WTIP: variants seen among roughly 807,000 people sequenced by gnomAD.
WTIP encodes the protein WT1 interacting protein.
A neutral mutation model predicts 41.7 loss-of-function variants in WTIP; 23 were observed. That is an observed-to-expected ratio of 0.55 (90% CI 0.40 to 0.78). The LOEUF is 0.78. Ranked by LOEUF, WTIP falls within the 30% of genes least tolerant of loss-of-function variation. WTIP has a pLI of 0.00. For missense variants in WTIP, 619 were observed against 610.5 expected (o/e 1.01, Z -0.15); for synonymous variants, 314 against 269.9 (o/e 1.16, Z -1.60).
At chr19:34,486,216 C>T (rs1363365921) in intron 1 of WTIP, among the ~76,000 whole-genome samples, 2 of 152,084 alleles carry the variant, frequency 1.3e-5, no homozygotes, top group African/African-American at 4.8e-5. Flanking sequence ...CCCAGCAGAA[C>T]CCCGACTCTG....
chr19:34,498,223 C>T (rs745958823), intron 7 of WTIP, among the ~76,000 whole-genome samples: 7 of 152,102 alleles, frequency 4.6e-5, no homozygotes, highest in African/African-American at 4.8e-5. Flanking sequence ...GAGCCCGCAA[C>T]GGTAAAAACT....
rs2075929479 is a variant in WTIP at position 34,510,594 on chromosome 19, T to A, written c.*10325T>A. On this transcript the variant is annotated 3_prime_UTR_variant, in exon 8 of 8. Coordinates refer to ENST00000590071, the MANE Select transcript of WTIP (RefSeq NM_001080436.2). ...CCTCCTTGTTACTTATGCAAATTTC[T>A]GCAGCCAGCTTGAATTTCTTCTAAA... is the stretch of plus-strand genomic sequence containing the variant. 6.6e-6 allele frequency: 1 copy of A among 152,252 alleles called. No individual in the cohort carries two copies. The highest frequency in any genetic ancestry group is 1.9e-4 in the East Asian group (1 of 5,206). The allele number at this position is 152,252 out of a possible 1,614,324, so 9.4% of individuals were successfully genotyped here.
intron 7 of WTIP, among the ~76,000 whole-genome samples, chr19:34,498,245 T>C (rs1341907460): frequency 6.6e-6 from 1 of 151,988 alleles, no homozygotes; most frequent in Non-Finnish European, 1.5e-5. Context: ...CGAGATAGGG[T>C]ACTTGAAGCC....
chr19:34,493,753 C>A lies in WTIP; in HGVS notation c.1031+131C>A. Reference sequence around the variant, plus strand: ...TTGCCTTCCGCCTCCCCTTGTACACCTGGGCTTGGGGCAGGCATGTGTCTC... The same window carrying A: ...TTGCCTTCCGCCTCCCCTTGTACACATGGGCTTGGGGCAGGCATGTGTCTC... On this transcript the variant is annotated intron_variant, in intron 5 of 7. Transcript: ENST00000590071. The surrounding 1 kb of genome is among the most constrained non-coding windows in gnomAD (Gnocchi z 4.1). The A allele has an allele frequency of 1.5e-6, 2 of 1,306,626 alleles. No individual in the cohort carries two copies. Among genetic ancestry groups the A allele is most frequent in the Non-Finnish European group, 2.1e-6 (2 of 937,460 alleles). 80.9% of individuals were successfully genotyped at this position (1,306,626 alleles called of 1,614,324 possible). A position where few individuals can be genotyped will look rare whatever the true frequency, so the allele number is the denominator to read the frequency against.
At position 34,508,179 on chromosome 19, in the gene WTIP, C is replaced by T. The variant is rs2075920343; in HGVS notation, c.*7910C>T. Reference sequence around the variant, plus strand: ...GCCTCGGCCTCCCGGGTTCAAGTGACTCTCCGGCCTCAGCCTCCCAAGTAG... The same window carrying T: ...GCCTCGGCCTCCCGGGTTCAAGTGATTCTCCGGCCTCAGCCTCCCAAGTAG... On this transcript the variant is annotated 3_prime_UTR_variant, in exon 8 of 8. Coordinates refer to ENST00000590071, the MANE Select transcript of WTIP (RefSeq NM_001080436.2). 6.6e-6 allele frequency: 1 copy of T among 152,098 alleles called. No homozygotes were observed. Among genetic ancestry groups the T allele is most frequent in the African/African-American group, 2.4e-5 (1 of 41,410 alleles). 9.4% of individuals were successfully genotyped at this position (152,098 alleles called of 1,614,324 possible).
chr19:34,486,613 A>G (rs1202979276), intron 1 of WTIP, among the ~76,000 whole-genome samples: 7 of 151,776 alleles, frequency 4.6e-5, no homozygotes, highest in East Asian at 1.9e-4. Context: ...TGATCTGCCC[A>G]CCTTGGCCTC....
At position 34,492,665 on chromosome 19, in the gene WTIP, G is replaced by C. The variant is rs539514467; in HGVS notation, c.770-372G>C. On this transcript the variant is annotated intron_variant, in intron 2 of 7. Coordinates refer to ENST00000590071, the MANE Select transcript of WTIP (RefSeq NM_001080436.2). ...GATCACGCCACTGCACTCCAGCCTG[G>C]GCGACACAGTGATACTCTGTATCAA... 2.1e-4 allele frequency among the ~76,000 whole-genome samples: 31 copies of C among 145,400 alleles called. 1 individual carries two copies. The highest frequency in any genetic ancestry group is 7.8e-4 in the African/African-American group (31 of 39,748).
At chr19:34,482,722 A>G in intron 1 of WTIP, 81 bp downstream of exon 1, 1 of 1,206,782 alleles carries the variant, frequency 8.3e-7, no homozygotes. Flanking sequence ...AGGCGGCCGG[A>G]TCAGCGGAGG....
chr19:34,495,062 T>A (rs1406756679), intron 6 of WTIP, among the ~76,000 whole-genome samples: 1 of 152,156 alleles, frequency 6.6e-6, no homozygotes, highest in Non-Finnish European at 1.5e-5. Context: ...CTGGTGTGCC[T>A]GGCAAAGCAG....
chr19:34,482,604 G>C lies in WTIP; in HGVS notation c.630G>C (p.Glu210Asp), dbSNP rs2075774595. Residue 210 changes from glutamate to aspartate, a missense_variant, in exon 1 of 8, where the codon GAG becomes GAC. Physicochemically the swap from Glu to Asp is conservative, Grantham distance 45 (BLOSUM62 2). Coordinates refer to ENST00000590071, the MANE Select transcript of WTIP (RefSeq NM_001080436.2). The part of the protein sequence containing the change: ...RRLEALTREL[E>D]RALEARTARD... ...TGGAGGCGCTCACCCGGGAGCTGGAGCGGGCGCTCGAGGCGCGCACGGCGC... is the reference window on the plus strand; with the variant it reads ...TGGAGGCGCTCACCCGGGAGCTGGACCGGGCGCTCGAGGCGCGCACGGCGC... 1.6e-6 allele frequency: 2 copies of C among 1,229,930 alleles called. No individual in the cohort carries two copies. The highest frequency in any genetic ancestry group is 3.1e-5 in the African/African-American group (2 of 64,176). 76.2% of individuals were successfully genotyped at this position (1,229,930 alleles called of 1,614,324 possible).
chr19:34,482,534 T>G lies in WTIP; in HGVS notation c.560T>G (p.Leu187Arg). The change falls in exon 1 of 8, where the codon CTG (leucine) becomes CGG (arginine). Residue 187 changes from leucine (L) to arginine (R), a missense_variant. Around this residue, in one of 3 missense-constraint regions of WTIP, gnomAD observed 363 missense variants for 309.0 expected, o/e 1.17. Coordinates refer to ENST00000590071, the MANE Select transcript of WTIP (RefSeq NM_001080436.2). ...PAPFPLPALP[L>R]PPGREGGPSA... The stretch of plus-strand genomic sequence containing the variant: ...CCCTTCCCGCTGCCTGCACTCCCGC[T>G]GCCCCCTGGCCGGGAGGGCGGCCCA... The G allele has an allele frequency of 2.4e-6, 3 of 1,229,594 alleles. No homozygotes were observed. Among genetic ancestry groups the G allele is most frequent in the Non-Finnish European group, 3.0e-6 (3 of 987,728 alleles). The allele number at this position is 1,229,594 out of a possible 1,614,324, so 76.2% of individuals were successfully genotyped here.
At chr19:34,490,523 ACAT>A in intron 2 of WTIP, 46 bp downstream of exon 2, 1 of 1,566,450 alleles carries the variant, frequency 6.4e-7, no homozygotes, top group Non-Finnish European at 8.8e-7. Context: ...GGGACCTGCC[ACAT>A]CATCCCCATT....
At chr19:34,494,871 A>G (rs1418200408) in intron 6 of WTIP, among the ~76,000 whole-genome samples, 2 of 152,230 alleles carry the variant, frequency 1.3e-5, no homozygotes, top group African/African-American at 2.4e-5. Flanking sequence ...CCCCACTGCC[A>G]GCCTCTGCTC....
At position 34,490,482 on chromosome 19, in the gene WTIP, G is replaced by A. The variant is rs2075820194; in HGVS notation, c.769+5G>A. 1 of 1,613,452 alleles carries A rather than the reference G, an allele frequency of 6.2e-7. No individual in the cohort carries two copies. The highest frequency in any genetic ancestry group is 1.7e-5 in the Admixed American group (1 of 59,988). ...GCTTCACCTGCGACTCGTGTGGTAGGTAACCTCGTGCCCTGGGTAGCTCTG... is the reference window on the plus strand; with the variant it reads ...GCTTCACCTGCGACTCGTGTGGTAGATAACCTCGTGCCCTGGGTAGCTCTG... On this transcript the variant is annotated splice_donor_5th_base_variant and intron_variant, in intron 2 of 7. Transcript: ENST00000590071.
chr19:34,484,647 C>T (rs1179358262), intron 1 of WTIP, among the ~76,000 whole-genome samples: 2 of 151,958 alleles, frequency 1.3e-5, no homozygotes, highest in African/African-American at 2.4e-5. Context: ...CTGCAGAGCC[C>T]GGGGGAGGGG....
chr19:34,499,996 C>T (rs1020630258), intron 7 of WTIP, 133 bp from the exon 8 acceptor site: 4 of 1,324,008 alleles, frequency 3.0e-6, no homozygotes, highest in Middle Eastern at 2.7e-4. Flanking sequence ...CCCCTGCGCC[C>T]GGCGGAAGAG....
intron 7 of WTIP, among the ~76,000 whole-genome samples, chr19:34,498,235 C>T (rs928755336): frequency 6.6e-6 from 1 of 152,136 alleles, no homozygotes; most frequent in African/African-American, 2.4e-5. Flanking sequence ...GTAAAAACTG[C>T]GAGATAGGGT....
At chr19:34,484,884 C>G (rs8105320) in intron 1 of WTIP, among the ~76,000 whole-genome samples, 98,386 of 146,894 alleles carry the variant, frequency 0.67, 35,890 homozygotes, top group Non-Finnish European at 0.82. Flanking sequence ...GAGCTATGAT[C>G]GTGCCACTGC....
At chr19:34,494,028 C>A (rs1377769204) in intron 5 of WTIP, among the ~76,000 whole-genome samples, 3 of 152,196 alleles carry the variant, frequency 2.0e-5, no homozygotes, top group Non-Finnish European at 4.4e-5. Context: ...CCTACCGTGA[C>A]TCCAGGTTTA....
Sources: gnomAD v4.1 joint callset for allele counts (sites outside exome capture counted in the v4.1 genomes callset) on GRCh38, gnomAD v4.1.1 for gene constraint, gnomAD v4.1.1 regional missense constraint, Gnocchi (gnomAD v3.1) non-coding constraint, MANE v1.5 for transcripts, NCBI Gene and HGNC (gene_info 2026-07-23, HGNC 2026-07-21) for gene names.